TMEM154: variants seen among roughly 807,000 people sequenced by gnomAD.
The protein encoded by TMEM154 is transmembrane protein 154.
Under a neutral mutation model 24.5 loss-of-function variants are expected in TMEM154, and 27 were observed. The ratio of observed to expected loss-of-function variants is 1.10; its 90% CI spans 0.81 to 1.52. TMEM154 has a LOEUF of 1.52. Ranked by LOEUF, TMEM154 falls within the 40% of genes most tolerant of loss-of-function variation. The pLI is 0.00. For missense variants in TMEM154, 228 were observed against 213.4 expected (o/e 1.07, Z -0.43); for synonymous variants, 67 against 76.8 (o/e 0.87, Z 0.67).
rs1728599320 is a variant in TMEM154 at position 152,661,291 on chromosome 4, TCTCTCTCTCTCTCTCTCTCTCTC to T, written c.65-8387_65-8365del. The stretch of plus-strand genomic sequence containing the variant: ...ATCAAGGGATTGTTCTCTTTCTCTC[TCTCTCTCTCTCTCTCTCTCTCTC>T]TCTCTCTCTCTCTCTCTCTCTCTCT... On this transcript the variant is annotated intron_variant, in intron 1 of 6. Coordinates refer to ENST00000304385, the MANE Select transcript of TMEM154 (RefSeq NM_152680.3). 2.0e-3 allele frequency among the ~76,000 whole-genome samples: 114 copies of T among 56,556 alleles called. 1 individual carries two copies. Among genetic ancestry groups the T allele is most frequent in the African/African-American group, 5.8e-3 (100 of 17,378 alleles). The allele number at this position is 56,556 out of a possible 152,430, so 37.1% of individuals were successfully genotyped here.
chr4:152,654,248 T>C (rs1418876568), intron 1 of TMEM154, among the ~76,000 whole-genome samples: 1 of 152,180 alleles, frequency 6.6e-6, no homozygotes, highest in South Asian at 2.1e-4. Flanking sequence ...CGTAAGTTGA[T>C]GCTACAGAAA....
intron 1 of TMEM154, among the ~76,000 whole-genome samples, chr4:152,678,501 CAG>C (rs1209069375): frequency 7.7e-6 from 1 of 129,208 alleles, no homozygotes; most frequent in Non-Finnish European, 1.5e-5. Flanking sequence ...GAGCTCTTGG[CAG>C]AGACAGTGAT....
chr4:152,658,140 A>G (rs964868295), intron 1 of TMEM154, among the ~76,000 whole-genome samples: 1 of 152,246 alleles, frequency 6.6e-6, no homozygotes, highest in African/African-American at 2.4e-5. Context: ...AGAACTTTGG[A>G]GACTGTACAA....
chr4:152,679,780 T>C, intron 1 of TMEM154, 90 bp downstream of exon 1: 2 of 1,528,198 alleles, frequency 1.3e-6, no homozygotes, highest in Non-Finnish European at 1.8e-6. Context: ...TTTCTGGGTG[T>C]CACCCTCCCC....
rs772234085 is a variant in TMEM154 at position 152,640,996 on chromosome 4, A to C, written c.479-11T>G. On this transcript the variant is annotated splice_polypyrimidine_tract_variant and intron_variant, in intron 5 of 6. Coordinates refer to ENST00000304385, the MANE Select transcript of TMEM154 (RefSeq NM_152680.3). ...AACATTCAAAGTCGGCTAGGACAGA[A>C]TAAAAGCAAACTCATTGTTAGTTAC... 1.2e-6 allele frequency: 2 copies of C among 1,606,062 alleles called. No individual in the cohort carries two copies. The highest frequency in any genetic ancestry group is 3.4e-5 in the Admixed American group (2 of 57,990).
Position 152,644,450 on chromosome 4 carries a change from G to A in TMEM154, c.365-8C>T. On this transcript the variant is annotated splice_polypyrimidine_tract_variant and splice_region_variant and intron_variant, in intron 3 of 6. Coordinates refer to ENST00000304385, the MANE Select transcript of TMEM154 (RefSeq NM_152680.3). ...TTTCACTTCCCAGTTCATCTAAAAG[G>A]AAATGAACATAAAGGTCATGTTAGC... The A allele has an allele frequency of 6.2e-7, 1 of 1,614,006 alleles. No homozygotes were observed. The highest frequency in any genetic ancestry group is 8.5e-7 in the Non-Finnish European group (1 of 1,179,890).
chr4:152,643,182 A>G lies in TMEM154; in HGVS notation c.393-9T>C. ...CTTCCTCAAAAATAGGGCTAGAAATAGAGAGCAAAAGACTTGTTAGAAAGA... is the reference window on the plus strand; with the variant it reads ...CTTCCTCAAAAATAGGGCTAGAAATGGAGAGCAAAAGACTTGTTAGAAAGA... On this transcript the variant is annotated splice_polypyrimidine_tract_variant and intron_variant, in intron 4 of 6. Coordinates refer to ENST00000304385, the MANE Select transcript of TMEM154 (RefSeq NM_152680.3). 1 of 1,575,778 alleles carries G rather than the reference A, an allele frequency of 6.3e-7. No homozygotes were observed. The highest frequency in any genetic ancestry group is 8.7e-7 in the Non-Finnish European group (1 of 1,155,548).
At chr4:152,669,504 A>G (rs1728785384) in intron 1 of TMEM154, 2 of 152,170 alleles carry the variant, frequency 1.3e-5, no homozygotes, top group African/African-American at 4.8e-5. Flanking sequence ...CTTATACTAA[A>G]TTGTAAAGGA....
intron 5 of TMEM154, among the ~76,000 whole-genome samples, chr4:152,642,127 C>T (rs992382943): frequency 3.3e-5 from 5 of 151,590 alleles, no homozygotes; most frequent in Non-Finnish European, 5.9e-5. Flanking sequence ...CCATGTTGGC[C>T]AGGCTGGTTT....
At chr4:152,640,300 C>T (rs1449917746) in intron 6 of TMEM154, among the ~76,000 whole-genome samples, 2 of 152,138 alleles carry the variant, frequency 1.3e-5, no homozygotes, top group Non-Finnish European at 2.9e-5. Context: ...ACCTTCTGAA[C>T]CATCCAACCT....
chr4:152,673,538 T>C (rs552134400), intron 1 of TMEM154, among the ~76,000 whole-genome samples: 77 of 152,334 alleles, frequency 5.1e-4, no homozygotes, highest in African/African-American at 1.6e-3. Context: ...TGACCTCAAG[T>C]GATCCGCCTG....
At chr4:152,635,933 G>T (rs1203235504) in intron 6 of TMEM154, among the ~76,000 whole-genome samples, 1 of 152,146 alleles carries the variant, frequency 6.6e-6, no homozygotes, top group African/African-American at 2.4e-5. Context: ...AGAGATATAA[G>T]AGGAAAGAAG....
At chr4:152,641,518 T>A (rs921204466) in intron 5 of TMEM154, 8 of 152,308 alleles carry the variant, frequency 5.3e-5, no homozygotes, top group Admixed American at 1.3e-4. Flanking sequence ...AGTTGTCAAA[T>A]AGAAATGCCT....
chr4:152,628,601 ACACACACACACACAC>A, intron 6 of TMEM154, 40 bp from the exon 7 acceptor site: 1 of 1,050,288 alleles, frequency 9.5e-7, no homozygotes. Flanking sequence ...AACAAAAAAA[ACACACACACACACAC>A]AAAACAGTAA....
chr4:152,645,275 G>A (rs1051033025), intron 3 of TMEM154, among the ~76,000 whole-genome samples: 3 of 152,156 alleles, frequency 2.0e-5, no homozygotes, highest in Admixed American at 2.0e-4. Context: ...TAAATGATTA[G>A]GTGTTAACCT....
At chr4:152,640,519 A>G (rs898306609) in intron 6 of TMEM154, among the ~76,000 whole-genome samples, 8 of 152,234 alleles carry the variant, frequency 5.3e-5, no homozygotes, top group African/African-American at 1.7e-4. Flanking sequence ...AAAAATTCCC[A>G]TTTATTTTCT....
chr4:152,654,370 C>G (rs1408413430), intron 1 of TMEM154, among the ~76,000 whole-genome samples: 2 of 152,250 alleles, frequency 1.3e-5, no homozygotes, highest in Non-Finnish European at 2.9e-5. Context: ...TAGGCAATTA[C>G]TTTACAGAAT....
At chr4:152,670,847 G>A (rs1212783274) in intron 1 of TMEM154, among the ~76,000 whole-genome samples, 3 of 152,074 alleles carry the variant, frequency 2.0e-5, no homozygotes, top group Non-Finnish European at 2.9e-5. Flanking sequence ...GCCTATTAAC[G>A]TGCAAGTGGC....
chr4:152,662,819 AG>A lies in TMEM154; in HGVS notation c.65-9893del, dbSNP rs143982363. Among the ~76,000 whole-genome samples the A allele has an allele frequency of 1.1e-3, 167 of 152,312 alleles. 4 individuals carry two copies. In the East Asian group the frequency reaches 0.022, roughly 20 times the overall value. On this transcript the variant is annotated intron_variant, in intron 1 of 6. Transcript: ENST00000304385. ...TTGGGAGTCCAGCCACTGTGGAGGA[AG>A]GCAGAACTCTCTTTCAGGAAATAAG... is the stretch of plus-strand genomic sequence containing the variant.
Sources: gnomAD v4.1 joint callset for allele counts (sites outside exome capture counted in the v4.1 genomes callset) on GRCh38, gnomAD v4.1.1 for gene constraint, MANE v1.5 for transcripts, NCBI Gene and HGNC (gene_info 2026-07-23, HGNC 2026-07-21) for gene names.